Variants in HEATR5A observed in about 807,000 individuals in gnomAD.
HEATR5A encodes HEAT repeat containing 5A.
Under a neutral mutation model 218.8 loss-of-function variants are expected in HEATR5A, and 178 were observed. The observed-to-expected ratio is 0.81, with a 90% confidence interval of 0.72 to 0.92. HEATR5A has a LOEUF of 0.92. HEATR5A is among the 40% of genes least tolerant of loss of function. The probability of loss-of-function intolerance (pLI) is 0.00; values close to 1 mark genes in which losing one functional copy is unlikely to be tolerated. For synonymous variants in HEATR5A, 864 were observed against 871.6 expected (o/e 0.99, Z 0.15); for missense variants, 2,420 against 2,418.9 (o/e 1.00, Z -0.01).
At chr14:31,405,896 G>A (rs1048147606) in intron 1 of HEATR5A, among the ~76,000 whole-genome samples, 3 of 152,118 alleles carry the variant, frequency 2.0e-5, no homozygotes, top group Admixed American at 1.3e-4. Flanking sequence ...TCAGTAAAAA[G>A]CTTGAGATCA....
chr14:31,318,126 G>T, intron 26 of HEATR5A, 98 bp downstream of exon 26: 1 of 974,092 alleles, frequency 1.0e-6, no homozygotes, highest in Non-Finnish European at 1.6e-6. Context: ...TATGATTGAC[G>T]GTAAGACAAC....
At chr14:31,355,204 AGG>A (rs1395614542) in intron 16 of HEATR5A, among the ~76,000 whole-genome samples, 5 of 5,674 alleles carry the variant, frequency 8.8e-4, no homozygotes, top group Non-Finnish European at 8.5e-3. Context: ...ACCTGAGGTC[AGG>A]AGTTCAAGAA....
At chr14:31,341,311 T>TG (rs1439075646) in intron 21 of HEATR5A, among the ~76,000 whole-genome samples, 1 of 152,180 alleles carries the variant, frequency 6.6e-6, no homozygotes, top group Non-Finnish European at 1.5e-5. Flanking sequence ...ACTTTTTTTT[T>TG]GATGCCTATT....
At chr14:31,354,341 T>C (rs941327726) in intron 16 of HEATR5A, among the ~76,000 whole-genome samples, 7 of 152,216 alleles carry the variant, frequency 4.6e-5, no homozygotes, top group African/African-American at 1.7e-4. Context: ...GTACTATAAG[T>C]TGACCTATAC....
intron 24 of HEATR5A, among the ~76,000 whole-genome samples, chr14:31,322,365 C>A (rs904914050): frequency 2.0e-5 from 3 of 152,174 alleles, no homozygotes; most frequent in Non-Finnish European, 4.4e-5. Flanking sequence ...AATTTTGTAA[C>A]TGTAAAGTAT....
At chr14:31,386,305 A>C (rs1390613600) in intron 9 of HEATR5A, 115 bp downstream of exon 9, 1 of 745,662 alleles carries the variant, frequency 1.3e-6, no homozygotes, top group Non-Finnish European at 2.0e-6. Flanking sequence ...TTTTTCATAA[A>C]ACATTTCTCA....
intron 22 of HEATR5A, among the ~76,000 whole-genome samples, chr14:31,330,007 G>A (rs780437964): frequency 2.6e-5 from 4 of 152,198 alleles, no homozygotes; most frequent in East Asian, 1.9e-4. Flanking sequence ...CATCATGCCC[G>A]GCCTTGACAG....
chr14:31,334,991 C>G (rs575718571), intron 22 of HEATR5A, among the ~76,000 whole-genome samples: 26 of 151,806 alleles, frequency 1.7e-4, no homozygotes, highest in Middle Eastern at 3.4e-3. Flanking sequence ...ACAGCCACCC[C>G]CTCAAACCTT....
chr14:31,334,424 T>A (rs555423469), intron 22 of HEATR5A: 3 of 456,148 alleles, frequency 6.6e-6, no homozygotes, highest in African/African-American at 6.0e-5. Context: ...TTTCTGCAGA[T>A]GGAATCTACT....
chr14:31,376,399 G>C (rs891452700), intron 11 of HEATR5A, among the ~76,000 whole-genome samples: 1 of 152,168 alleles, frequency 6.6e-6, no homozygotes, highest in Non-Finnish European at 1.5e-5. Context: ...TATAGTCCCA[G>C]CTACTTGGGA....
At position 31,293,453 on chromosome 14, in the gene HEATR5A, A is replaced by C; in HGVS notation, c.5993T>G (p.Leu1998Ter). 1.2e-6 allele frequency: 2 copies of C among 1,613,980 alleles called. No homozygotes were observed. Among genetic ancestry groups the C allele is most frequent in the Non-Finnish European group, 1.7e-6 (2 of 1,179,868 alleles). ...TTTTAGGGCTGGAGAAGAAGCCACT[A>C]AACTTTTAAAAACAGATGAATACTG... ...GPQYSSVFKS[L>*]VASSPALKAR... Residue 1998 changes from leucine to a stop codon, truncating the protein, a stop_gained, in exon 36 of 36, where the codon TTA becomes TGA. Coordinates refer to ENST00000543095, the MANE Select transcript of HEATR5A (RefSeq NM_015473.4). LOFTEE classifies it high-confidence loss of function.
chr14:31,322,737 T>C (rs1028697148), intron 24 of HEATR5A, among the ~76,000 whole-genome samples: 1 of 150,980 alleles, frequency 6.6e-6, no homozygotes, highest in African/African-American at 2.4e-5. Context: ...GAGGATTGCT[T>C]GAGCCTGGAA....
Position 31,337,616 on chromosome 14 carries a change from T to TGAAAAATACCATTTGAGGAACGACA in HEATR5A, c.3229-27_3229-3dup. On this transcript the variant is annotated splice_region_variant and splice_polypyrimidine_tract_variant and intron_variant, in intron 21 of 35. Transcript: ENST00000543095. ...CAAGTAGGGGCTACAAAGATTCACC[T>TGAAAAATACCATTTGAGGAACGACA]GAAAAATACCATTTGAGGAACGACA... 1 of 1,598,580 alleles carries TGAAAAATACCATTTGAGGAACGACA rather than the reference T, an allele frequency of 6.3e-7. No individual in the cohort carries two copies. Among genetic ancestry groups the TGAAAAATACCATTTGAGGAACGACA allele is most frequent in the Non-Finnish European group, 8.5e-7 (1 of 1,172,108 alleles).
chr14:31,393,574 T>A (rs2030535458), intron 6 of HEATR5A, among the ~76,000 whole-genome samples: 1 of 152,022 alleles, frequency 6.6e-6, no homozygotes, highest in Non-Finnish European at 1.5e-5. Context: ...ACTTCAAGAG[T>A]TCTTGTAAAT....
chr14:31,302,032 C>G, intron 33 of HEATR5A, among the ~76,000 whole-genome samples: 1 of 151,522 alleles, frequency 6.6e-6, no homozygotes. Flanking sequence ...GGGGTTTCAC[C>G]ATGTTGCCCA....
intron 28 of HEATR5A, among the ~76,000 whole-genome samples, chr14:31,309,825 C>T (rs933518927): frequency 6.6e-6 from 1 of 152,000 alleles, no homozygotes; most frequent in African/African-American, 2.4e-5. Flanking sequence ...GCCTCAGCCT[C>T]CTGAGTAGCT....
chr14:31,320,210 A>G (rs1900046077), intron 25 of HEATR5A: 1 of 634,352 alleles, frequency 1.6e-6, no homozygotes, highest in Admixed American at 1.9e-5. Context: ...CAGGCAGGTG[A>G]CCCTCACGGA....
intron 2 of HEATR5A, among the ~76,000 whole-genome samples, chr14:31,400,997 GC>G (rs1332312247): frequency 6.6e-6 from 1 of 151,884 alleles, no homozygotes; most frequent in African/African-American, 2.4e-5. Flanking sequence ...CCGCCACCAT[GC>G]CCGGCTAATT....
intron 33 of HEATR5A, 148 bp downstream of exon 33, chr14:31,302,147 T>C: frequency 1.6e-6 from 1 of 637,978 alleles, no homozygotes; most frequent in Non-Finnish European, 2.7e-6. Context: ...TCTATCTACT[T>C]ATACATATCC....
Sources: allele counts gnomAD v4.1 joint callset (sites outside exome capture counted in the v4.1 genomes callset), GRCh38; gene constraint gnomAD v4.1.1; transcripts MANE v1.5; gene names NCBI Gene and HGNC (gene_info 2026-07-23, HGNC 2026-07-21).